Variants in DNTT observed in about 807,000 individuals in gnomAD.
The protein encoded by DNTT is nucleosidetriphosphate:DNA deoxynucleotidylexotransferase.
Under a neutral mutation model 60.9 loss-of-function variants are expected in DNTT, and 47 were observed. That is an observed-to-expected ratio of 0.77 (90% CI 0.61 to 0.98). The LOEUF is 0.98. Ranked by LOEUF, DNTT falls within the 50% of genes least tolerant of loss-of-function variation. DNTT has a pLI of 0.00. For missense variants in DNTT, 665 were observed against 627.5 expected, an observed-to-expected ratio of 1.06 and a Z score of -0.64; for synonymous variants, 224 against 221.2, an observed-to-expected ratio of 1.01 and a Z score of -0.11.
Position 96,304,502 on chromosome 10 carries a change from A to G in DNTT, c.5A>G (p.Asp2Gly), listed in dbSNP as rs748174871. 1.2e-6 allele frequency: 2 copies of G among 1,613,492 alleles called. No homozygotes were observed. Among genetic ancestry groups the G allele is most frequent in the Admixed American group, 3.3e-5 (2 of 60,022 alleles). M[D>G]PPRASHLSPR... ...AGGCAGCAGCAGCCTCTTCCCATGG[A>G]TCCACCACGAGCGTCCCACTTGAGC... Residue 2 changes from aspartate to glycine, a missense_variant, in exon 1 of 11, where the codon GAT becomes GGT. Transcript: ENST00000371174.
rs183025867 is a variant in DNTT, at chr10:96,328,802, A to G, written c.1085A>G (p.Gln362Arg). The change falls in exon 8 of 11, where the codon CAG (glutamine) becomes CGG (arginine). Residue 362 changes from glutamine (Q) to arginine (R), a missense_variant. Gln to Arg is a conservative substitution (Grantham distance 43). Coordinates refer to ENST00000371174, the MANE Select transcript of DNTT (RefSeq NM_004088.4). ...GSTEDEEQLL[Q>R]KVMNLWEKKG... ...ACAGAGGATGAAGAGCAACTTTTAC[A>G]GAAAGTGATGAACTTATGGGAAAAG... is the stretch of plus-strand genomic sequence containing the variant. The G allele has an allele frequency of 6.2e-7, 1 of 1,613,844 alleles. No individual in the cohort carries two copies. The highest frequency in any genetic ancestry group is 2.2e-5 in the East Asian group (1 of 44,846).
intron 1 of DNTT, among the ~76,000 whole-genome samples, chr10:96,314,692 A>G (rs552655563): frequency 8.5e-4 from 130 of 152,052 alleles, no homozygotes; most frequent in Admixed American, 2.2e-3. Flanking sequence ...GATTACAGGC[A>G]TGAGCCACCG....
chr10:96,331,420 G>T (rs549370643), intron 8 of DNTT, among the ~76,000 whole-genome samples: 2 of 152,228 alleles, frequency 1.3e-5, no homozygotes, highest in Admixed American at 6.5e-5. Flanking sequence ...CCAAGCATCT[G>T]CTTCTGGTGC....
At chr10:96,314,749 C>T (rs1273092618) in intron 1 of DNTT, among the ~76,000 whole-genome samples, 3 of 152,072 alleles carry the variant, frequency 2.0e-5, no homozygotes, top group African/African-American at 7.2e-5. Flanking sequence ...TCATATCTAT[C>T]TCATGGCATT....
intron 10 of DNTT, 28 bp from the exon 11 acceptor site, chr10:96,338,110 A>C: frequency 6.3e-7 from 1 of 1,592,810 alleles, no homozygotes; most frequent in African/African-American, 1.3e-5. Flanking sequence ...AAATATCTGA[A>C]TGCACATATT....
intron 4 of DNTT, 114 bp downstream of exon 4, chr10:96,320,902 A>C (rs1276928354): frequency 7.6e-7 from 1 of 1,317,242 alleles, no homozygotes; most frequent in Admixed American, 2.5e-5. Context: ...GTACATCACA[A>C]ATTTTCCTTT....
At chr10:96,324,792 C>T (rs1030976563) in intron 6 of DNTT, among the ~76,000 whole-genome samples, 5 of 152,212 alleles carry the variant, frequency 3.3e-5, no homozygotes, top group African/African-American at 1.2e-4. Context: ...TGGGTCCTGG[C>T]TGTCTCCCTG....
chr10:96,317,399 A>G (rs1207928837), intron 1 of DNTT, among the ~76,000 whole-genome samples: 3 of 152,196 alleles, frequency 2.0e-5, no homozygotes, highest in Admixed American at 6.5e-5. Context: ...TGTTAAGAAA[A>G]AGATCCCTGT....
intron 1 of DNTT, among the ~76,000 whole-genome samples, chr10:96,310,759 TTGC>T (rs1260212955): frequency 6.6e-6 from 1 of 152,206 alleles, no homozygotes; most frequent in African/African-American, 2.4e-5. Context: ...CAAGAAATAT[TTGC>T]TCAGAGAATG....
At chr10:96,319,606 A>G (rs1254610069) in intron 3 of DNTT, among the ~76,000 whole-genome samples, 1 of 152,220 alleles carries the variant, frequency 6.6e-6, no homozygotes, top group Non-Finnish European at 1.5e-5. Flanking sequence ...CATTTAGGTT[A>G]TATTCTTTAG....
intron 8 of DNTT, among the ~76,000 whole-genome samples, chr10:96,330,055 T>C (rs144053223): frequency 3.6e-4 from 55 of 152,284 alleles, no homozygotes; most frequent in Middle Eastern, 6.8e-3. Context: ...CCAGTGGGTA[T>C]TGATGGGGAA....
Position 96,322,518 on chromosome 10 carries a change from G to C in DNTT, c.679-139G>C, listed in dbSNP as rs369517167. On this transcript the variant is annotated intron_variant, in intron 4 of 10. Coordinates refer to ENST00000371174, the MANE Select transcript of DNTT (RefSeq NM_004088.4). ...GTAGGGAAATGTCTTGTTTTCTCCA[G>C]ATCAATTAGGGAAATACCCCTGCAT... The C allele has an allele frequency of 1.4e-5, 7 of 515,914 alleles. 1 individual carries two copies. In the African/African-American group the frequency reaches 1.4e-4, roughly 10 times the overall value. The allele number at this position is 515,914 out of a possible 1,614,324, so 32.0% of individuals were successfully genotyped here.
chr10:96,309,977 C>G (rs1444049517), intron 1 of DNTT, among the ~76,000 whole-genome samples: 2 of 152,190 alleles, frequency 1.3e-5, no homozygotes, highest in African/African-American at 4.8e-5. Context: ...AAAAGCAACC[C>G]TTCAAAGAGG....
At chr10:96,326,458 G>A (rs775470745) in intron 6 of DNTT, among the ~76,000 whole-genome samples, 25 of 152,116 alleles carry the variant, frequency 1.6e-4, no homozygotes, top group Non-Finnish European at 2.8e-4. Context: ...GCATGTTTCC[G>A]TGACTGTCCC....
At chr10:96,307,775 A>ATTTTT (rs1194627144) in intron 1 of DNTT, among the ~76,000 whole-genome samples, 7 of 121,258 alleles carry the variant, frequency 5.8e-5, no homozygotes, top group African/African-American at 2.3e-4. Context: ...ATATATATAT[A>ATTTTT]TATTTTTTTT....
intron 1 of DNTT, among the ~76,000 whole-genome samples, chr10:96,309,865 C>G (rs1270448934): frequency 1.3e-5 from 2 of 152,212 alleles, no homozygotes; most frequent in South Asian, 2.1e-4. Flanking sequence ...TGAACCCTCT[C>G]TTAAAGCAGT....
chr10:96,328,630 A>C (rs10882773), intron 7 of DNTT, 95 bp from the exon 8 acceptor site: 1,013,631 of 1,215,590 alleles, frequency 0.83, 431,090 homozygotes, highest in East Asian at 0.93. Context: ...CTATGTTGCA[A>C]ATCTTAAGCA....
At chr10:96,310,009 G>A (rs1348597648) in intron 1 of DNTT, among the ~76,000 whole-genome samples, 2 of 152,202 alleles carry the variant, frequency 1.3e-5, no homozygotes, top group African/African-American at 4.8e-5. Context: ...TTCAGATTCT[G>A]TGGGAGGGAG....
intron 7 of DNTT, among the ~76,000 whole-genome samples, chr10:96,328,233 TC>T (rs1411458606): frequency 6.6e-6 from 1 of 152,202 alleles, no homozygotes; most frequent in Non-Finnish European, 1.5e-5. Flanking sequence ...TCCCACAGCC[TC>T]CTCTACCTCT....
Sources: gnomAD v4.1 joint callset for allele counts (sites outside exome capture counted in the v4.1 genomes callset) on GRCh38, gnomAD v4.1.1 for gene constraint, MANE v1.5 for transcripts, NCBI Gene and HGNC (gene_info 2026-07-23, HGNC 2026-07-21) for gene names.